SEC16A: variants seen among roughly 807,000 people sequenced by gnomAD.
The protein encoded by SEC16A is protein transport protein Sec16A.
A neutral mutation model predicts 221.9 loss-of-function variants in SEC16A; 110 were observed. The ratio of observed to expected loss-of-function variants is 0.50; its 90% CI spans 0.42 to 0.58. The LOEUF is 0.58. Ranked by LOEUF, SEC16A falls within the 20% of genes least tolerant of loss-of-function variation. The pLI is 0.00. For missense variants in SEC16A, 3,165 were observed against 3,097.8 expected (o/e 1.02, Z -0.52); for synonymous variants, 1,393 against 1,257.7 (o/e 1.11, Z -2.28).
chr9:136,461,546 C>G (rs1281423812), intron 12 of SEC16A, among the ~76,000 whole-genome samples: 1 of 152,214 alleles, frequency 6.6e-6, no homozygotes, highest in African/African-American at 2.4e-5. Context: ...ACAAACAGGG[C>G]TAATCACGCA....
At chr9:136,461,328 A>C in intron 12 of SEC16A, 54 bp from the exon 13 acceptor site, 1 of 1,328,906 alleles carries the variant, frequency 7.5e-7, no homozygotes, top group Non-Finnish European at 1.1e-6. Context: ...CTCACGTGAC[A>C]TGAGTCAAGA....
rs371196696 is a variant in SEC16A at position 136,474,583 on chromosome 9, C to T, written c.3033G>A (p.Pro1011=). 110 of 1,612,718 alleles carry T rather than the reference C, an allele frequency of 6.8e-5. No individual in the cohort carries two copies. In the African/African-American group the frequency reaches 9.1e-4, roughly 13 times the overall value. ...GAGAAGCGAGGCTGTCAGAATGGGACGGGTTGTACACGTTTACAGGATTTT... is the reference window on the plus strand; with the variant it reads ...GAGAAGCGAGGCTGTCAGAATGGGATGGGTTGTACACGTTTACAGGATTTT... ...TLENPVNVYN[P]SHSDSLASQQ... Residue 1011 remains proline, a synonymous_variant, in exon 3 of 32, where the codon CCG becomes CCA. Transcript: ENST00000684901.
intron 12 of SEC16A, 73 bp from the exon 13 acceptor site, chr9:136,461,347 G>T: frequency 9.4e-7 from 1 of 1,069,388 alleles, no homozygotes; most frequent in Non-Finnish European, 1.4e-6. Flanking sequence ...GACAGGCCAT[G>T]TGTCCTCACG....
At chr9:136,455,275 C>T (rs1254087138) in intron 20 of SEC16A, among the ~76,000 whole-genome samples, 1 of 152,170 alleles carries the variant, frequency 6.6e-6, no homozygotes, top group Non-Finnish European at 1.5e-5. Flanking sequence ...GAGGGCGCCG[C>T]CCAGACACGG....
Position 136,466,606 on chromosome 9 carries a change from A to T in SEC16A, c.3930-144T>A. On this transcript the variant is annotated intron_variant, in intron 6 of 31. Coordinates refer to ENST00000684901, the MANE Select transcript of SEC16A (RefSeq NM_014866.2). The surrounding 1 kb of genome is among the most constrained non-coding windows in gnomAD (Gnocchi z 5.5). ...CACACCCGACACTCAGGGCCCTCTGACGTGCAACGTTAGAGAAGTACTGCG... is the reference window on the plus strand; with the variant it reads ...CACACCCGACACTCAGGGCCCTCTGTCGTGCAACGTTAGAGAAGTACTGCG... 1 of 763,670 alleles carries T rather than the reference A, an allele frequency of 1.3e-6. No homozygotes were observed. Among genetic ancestry groups the T allele is most frequent in the Non-Finnish European group, 2.1e-6 (1 of 484,340 alleles). 47.3% of individuals were successfully genotyped at this position (763,670 alleles called of 1,614,324 possible).
Position 136,483,033 on chromosome 9 carries a change from G to A in SEC16A, c.-287C>T. ...CACCTCAGCCGCCGCAGCCATCTTG[G>A]CACATCCGGCTCGGGTCTCCGCGGC... On this transcript the variant is annotated 5_prime_UTR_variant, in exon 1 of 32. Transcript: ENST00000684901. The A allele has an allele frequency of 2.0e-6, 2 of 985,110 alleles. No individual in the cohort carries two copies. Among genetic ancestry groups the A allele is most frequent in the Non-Finnish European group, 1.2e-6 (1 of 829,732 alleles). 61.0% of individuals were successfully genotyped at this position (985,110 alleles called of 1,614,324 possible).
chr9:136,477,532 G>A lies in SEC16A; in HGVS notation c.84C>T (p.Ser28=), dbSNP rs1168895789. 2.5e-6 allele frequency: 4 copies of A among 1,613,684 alleles called. No individual in the cohort carries two copies. The highest frequency in any genetic ancestry group is 1.7e-4 in the Middle Eastern group (1 of 6,060). The stretch of plus-strand genomic sequence containing the variant: ...TATTAGCCCGTCTCCTGTAAGGGCT[G>A]CTAGCCCAGAACACGCTCCGAGGAT... ...AGNPRSVFWA[S]SPYRRRANNN... The change falls in exon 3 of 32, where the codon AGC becomes AGT. Residue 28 remains serine, a synonymous_variant. Coordinates refer to ENST00000684901, the MANE Select transcript of SEC16A (RefSeq NM_014866.2).
rs778530277 is a variant in SEC16A, at chr9:136,463,683, C to A, written c.4504G>T (p.Ala1502Ser). Residue 1502 changes from alanine (A) to serine (S), a missense_variant, in exon 10 of 32, where the codon GCC (alanine) becomes TCC (serine). Coordinates refer to ENST00000684901, the MANE Select transcript of SEC16A (RefSeq NM_014866.2). ...EEMRAFPGPL[A>S]KDDTHKVDVI... is the part of the protein sequence containing the mutation. ...ATGCCTCAACAAGGAACATACTTGG[C>A]CAGGGGTCCCGGGAACGCCCGCATC... 1.1e-5 allele frequency: 18 copies of A among 1,613,280 alleles called. No homozygotes were observed. Among genetic ancestry groups the A allele is most frequent in the Middle Eastern group, 1.7e-4 (1 of 5,886 alleles).
intron 17 of SEC16A, 137 bp from the exon 18 acceptor site, chr9:136,457,721 A>G: frequency 9.1e-7 from 1 of 1,101,210 alleles, no homozygotes. Flanking sequence ...TGGACACTTC[A>G]CTCATCATCG....
At chr9:136,462,568 T>G (rs1249876374) in intron 12 of SEC16A, among the ~76,000 whole-genome samples, 1 of 152,246 alleles carries the variant, frequency 6.6e-6, no homozygotes. Flanking sequence ...ACTTGTGTCA[T>G]GCACATTTCA....
At chr9:136,483,872 C>T (rs1842717274), upstream of SEC16A, 2 of 920,112 alleles carry the variant, frequency 2.2e-6, no homozygotes, top group Non-Finnish European at 2.6e-6. Context: ...CGCTGGTTGC[C>T]TGGTTACGGC....
upstream of SEC16A, chr9:136,484,428 C>T (rs1279495583): frequency 4.2e-6 from 5 of 1,199,974 alleles, no homozygotes; most frequent in South Asian, 1.5e-5. Context: ...GGAGGCTGAG[C>T]GGTTGAGGAA....
chr9:136,442,136 A>G (rs1836273499), intron 31 of SEC16A, among the ~76,000 whole-genome samples: 1 of 152,198 alleles, frequency 6.6e-6, no homozygotes, highest in African/African-American at 2.4e-5. Flanking sequence ...TCCAGAGTCC[A>G]GGGACAAGTG....
At position 136,455,745 on chromosome 9, in the gene SEC16A, G is replaced by C; in HGVS notation, c.5713C>G (p.Pro1905Ala). 6.3e-7 allele frequency: 1 copy of C among 1,599,820 alleles called. No individual in the cohort carries two copies. The highest frequency in any genetic ancestry group is 8.5e-7 in the Non-Finnish European group (1 of 1,173,618). ...HQDGALPQQC[P>A]GTPSSEMEQL... ...TCCATCTCGGAACTCGGAGTGCCAG[G>C]ACACTGCTGCGGGAGGGCTCCATCC... The change falls in exon 20 of 32, where the codon CCT becomes GCT. Residue 1905 changes from proline (P) to alanine (A), a missense_variant. By Grantham distance (27) the Pro-to-Ala change is conservative (BLOSUM62 -1). This residue lies in a region of SEC16A where 1,088 missense variants were observed against 1,089.6 expected (regional missense o/e 1.00). Transcript: ENST00000684901.
chr9:136,472,115 T>C lies in SEC16A; in HGVS notation c.3568-4A>G, dbSNP rs755911251. On this transcript the variant is annotated splice_region_variant and splice_polypyrimidine_tract_variant and intron_variant, in intron 3 of 31. Transcript: ENST00000684901. ...GCTCATAGAGGCTGTAGACATCCTG[T>C]GGGAGGAAGCATTTGGGCAGGATTA... is the stretch of plus-strand genomic sequence containing the variant. The C allele has an allele frequency of 3.7e-6, 6 of 1,613,498 alleles. No homozygotes were observed. The highest frequency in any genetic ancestry group is 3.3e-5 in the South Asian group (3 of 91,074).
At position 136,475,135 on chromosome 9, in the gene SEC16A, T is replaced by A. The variant is rs1456594380; in HGVS notation, c.2481A>T (p.Pro827=). The A allele has an allele frequency of 6.2e-7, 1 of 1,613,922 alleles. No homozygotes were observed. The highest frequency in any genetic ancestry group is 1.1e-5 in the South Asian group (1 of 91,076). Residue 827 remains proline (P), a synonymous_variant, in exon 3 of 32, where the codon CCA becomes CCT. Coordinates refer to ENST00000684901, the MANE Select transcript of SEC16A (RefSeq NM_014866.2). The surrounding 1 kb of genome is among the most constrained non-coding windows in gnomAD (Gnocchi z 5.0). ...SPPTESLQNP[P]VLIAQPDHSY... ...TGTGATCAGGCTGAGCAATCAAGAC[T>A]GGAGGATTCTGCAGAGACTCAGTGG...
At position 136,476,686 on chromosome 9, in the gene SEC16A, A is replaced by T; in HGVS notation, c.930T>A (p.Asn310Lys). ...GCCTGAGCTCTGGGCTTGCCCAGTG[A>T]TTCACAATTCTGGGATTTTGCCTGA... ...STFRQNPRIVNHWASPELRQN... is the reference protein window; with the variant it reads ...STFRQNPRIVKHWASPELRQN... The change falls in exon 3 of 32, where the codon AAT becomes AAA. Residue 310 changes from asparagine to lysine, a missense_variant. Around this residue, in one of 3 missense-constraint regions of SEC16A, gnomAD observed 2,030 missense variants for 1,923.1 expected, o/e 1.06. Transcript: ENST00000684901. The T allele has an allele frequency of 6.4e-7, 1 of 1,572,192 alleles. No individual in the cohort carries two copies. The highest frequency in any genetic ancestry group is 8.6e-7 in the Non-Finnish European group (1 of 1,156,530).
chr9:136,463,347 G>T, intron 11 of SEC16A, 116 bp downstream of exon 11: 1 of 1,387,810 alleles, frequency 7.2e-7, no homozygotes. Context: ...GGGGGCCCTC[G>T]AGGCTCCCAT....
chr9:136,466,332 C>T lies in SEC16A; in HGVS notation c.4060G>A (p.Ala1354Thr), dbSNP rs1840154326. 3.2e-6 allele frequency: 5 copies of T among 1,573,172 alleles called. No homozygotes were observed. Among genetic ancestry groups the T allele is most frequent in the Non-Finnish European group, 3.4e-6 (4 of 1,159,818 alleles). ...CTGTGTGCGCTGTGCAGGCTCCGTGCCGAGTGCTCGCTGTGGACGCTGCGC... is the reference window on the plus strand; with the variant it reads ...CTGTGTGCGCTGTGCAGGCTCCGTGTCGAGTGCTCGCTGTGGACGCTGCGC... ...DRRSVHSEHS[A>T]RSLHSAHSLA... The change falls in exon 7 of 32, where the codon GCA becomes ACA. Residue 1354 changes from alanine (A) to threonine (T), a missense_variant. Around this residue, in one of 3 missense-constraint regions of SEC16A, gnomAD observed 2,030 missense variants for 1,923.1 expected, o/e 1.06. Coordinates refer to ENST00000684901, the MANE Select transcript of SEC16A (RefSeq NM_014866.2). The surrounding 1 kb of genome is among the most constrained non-coding windows in gnomAD (Gnocchi z 5.5).
Sources: gnomAD v4.1 joint callset for allele counts (sites outside exome capture counted in the v4.1 genomes callset) on GRCh38, gnomAD v4.1.1 for gene constraint, gnomAD v4.1.1 regional missense constraint, Gnocchi (gnomAD v3.1) non-coding constraint, MANE v1.5 for transcripts, NCBI Gene and HGNC (gene_info 2026-07-23, HGNC 2026-07-21) for gene names.